The following STK3 variants were observed in gnomAD, a reference collection of about 807,000 sequenced individuals.
STK3 encodes serine/threonine kinase 3.
In STK3, 41 loss-of-function variants were observed where a neutral mutation model predicts 58.0. The observed-to-expected ratio is 0.71, with a 90% CI of 0.55 to 0.92. The LOEUF (loss-of-function observed/expected upper bound fraction) is 0.92, where lower values mean the gene tolerates loss of function less well. Ranked by LOEUF, STK3 falls within the 40% of genes least tolerant of loss-of-function variation. The probability of loss-of-function intolerance (pLI) is 0.00; values close to 1 mark genes in which losing one functional copy is unlikely to be tolerated. For synonymous variants in STK3, 170 were observed against 191.0 expected, an observed-to-expected ratio of 0.89 and a Z score of 0.91; for missense variants, 479 against 602.7, an observed-to-expected ratio of 0.79 and a Z score of 2.15.
At chr8:98,634,666 G>T (rs1283820518) in intron 6 of STK3, among the ~76,000 whole-genome samples, 1 of 152,116 alleles carries the variant, frequency 6.6e-6, no homozygotes, top group African/African-American at 2.4e-5. Flanking sequence ...TATTGGATTT[G>T]AATTATCTCA....
At chr8:98,673,753 T>C (rs944460876) in intron 6 of STK3, among the ~76,000 whole-genome samples, 5 of 152,116 alleles carry the variant, frequency 3.3e-5, no homozygotes, top group African/African-American at 1.2e-4. Context: ...ATATGTTATA[T>C]GAAATTCATC....
At chr8:98,633,238 C>T (rs1379910157) in intron 6 of STK3, among the ~76,000 whole-genome samples, 3 of 152,038 alleles carry the variant, frequency 2.0e-5, no homozygotes, top group African/African-American at 7.2e-5. Flanking sequence ...CCTAACACTA[C>T]CTACAAATGA....
At chr8:98,367,563 G>T (rs1185817663), downstream of STK3, among the ~76,000 whole-genome samples, 1 of 152,214 alleles carries the variant, frequency 6.6e-6, no homozygotes, top group Non-Finnish European at 1.5e-5. Context: ...CCTGTCTACT[G>T]AATGGCCATC....
intron 6 of STK3, among the ~76,000 whole-genome samples, chr8:98,694,064 T>C (rs1479564566): frequency 6.6e-6 from 1 of 152,228 alleles, no homozygotes; most frequent in Non-Finnish European, 1.5e-5. Flanking sequence ...CTTTTTGATA[T>C]GCACTATAAA....
rs1053524655 is a variant in STK3 at position 98,912,353 on chromosome 8, GGGTGA to G, written c.-78-28524_-78-28520del. Reference sequence around the variant, plus strand: ...AGATCGCGCCACTGCACTCCAGCCTGGGTGACAGAGTGAGACTGCATCTCAACAAC... The same window carrying G: ...AGATCGCGCCACTGCACTCCAGCCTGCAGAGTGAGACTGCATCTCAACAAC... On this transcript the variant is annotated intron_variant, in intron 1 of 1. Transcript: ENST00000519420. Among the ~76,000 whole-genome samples, 48 of 152,178 alleles carry G rather than the reference GGGTGA, an allele frequency of 3.2e-4. 1 individual carries two copies. Among genetic ancestry groups the G allele is most frequent in the Admixed American group, 2.7e-3 (41 of 15,290 alleles).
In STK3 at chr8:98,561,141, C is replaced by T. The variant is rs562429930; in HGVS notation, c.949-12980G>A. ...ACAGCACAGTACTGGCAAAAGAATACACACATATATCAATGATGTATCATT... is the reference window on the plus strand; with the variant it reads ...ACAGCACAGTACTGGCAAAAGAATATACACATATATCAATGATGTATCATT... On this transcript the variant is annotated intron_variant, in intron 8 of 10. Coordinates refer to ENST00000419617, the MANE Select transcript of STK3 (RefSeq NM_006281.4). Among the ~76,000 whole-genome samples, 4 of 152,174 alleles carry T rather than the reference C, an allele frequency of 2.6e-5. No individual in the cohort carries two copies. The East Asian group carries it at 7.7e-4, about 29-fold the overall frequency.
chr8:98,772,846 G>A (rs955321360), intron 2 of STK3, among the ~76,000 whole-genome samples: 5 of 152,114 alleles, frequency 3.3e-5, no homozygotes, highest in Admixed American at 6.5e-5. Context: ...AGCGGATGCC[G>A]GCACCGTGCT....
chr8:98,821,137 A>T (rs1834870143), intron 1 of STK3, among the ~76,000 whole-genome samples: 1 of 152,174 alleles, frequency 6.6e-6, no homozygotes, highest in Non-Finnish European at 1.5e-5. Context: ...ACACAGCAGG[A>T]GGTGAGCTAT....
At chr8:98,597,083 G>A (rs1162574076) in intron 6 of STK3, among the ~76,000 whole-genome samples, 1 of 151,986 alleles carries the variant, frequency 6.6e-6, no homozygotes, top group Non-Finnish European at 1.5e-5. Flanking sequence ...GTTTTGGAGA[G>A]GTGAAAAAAG....
intron 1 of STK3, among the ~76,000 whole-genome samples, chr8:98,885,147 C>A (rs1837936643): frequency 6.6e-6 from 1 of 152,216 alleles, no homozygotes; most frequent in African/African-American, 2.4e-5. Context: ...GAACAAACTT[C>A]TCATAACATA....
At chr8:98,623,599 C>T (rs1353313535) in intron 6 of STK3, among the ~76,000 whole-genome samples, 5 of 152,120 alleles carry the variant, frequency 3.3e-5, no homozygotes, top group Middle Eastern at 3.2e-3. Context: ...GCCTGGGCAA[C>T]GTAGCGACAG....
intron 10 of STK3, among the ~76,000 whole-genome samples, chr8:98,515,882 G>C (rs1363962290): frequency 6.6e-6 from 1 of 151,926 alleles, no homozygotes; most frequent in South Asian, 2.1e-4. Context: ...ATGTTTAAAG[G>C]ATAATAATAG....
chr8:98,673,763 C>T (rs183126210), intron 6 of STK3, among the ~76,000 whole-genome samples: 2 of 152,148 alleles, frequency 1.3e-5, no homozygotes, highest in Non-Finnish European at 2.9e-5. Context: ...TGAAATTCAT[C>T]TCAATAATTT....
intron 10 of STK3, among the ~76,000 whole-genome samples, chr8:98,471,691 C>T (rs1342316114): frequency 6.6e-6 from 1 of 152,070 alleles, no homozygotes; most frequent in Non-Finnish European, 1.5e-5. Flanking sequence ...TTAAGTGGAA[C>T]CATCATATAC....
chr8:98,560,421 A>G (rs1050515880), intron 8 of STK3, among the ~76,000 whole-genome samples: 3 of 152,106 alleles, frequency 2.0e-5, no homozygotes, highest in African/African-American at 7.2e-5. Flanking sequence ...CATACCAGCA[A>G]TAAATGACTG....
chr8:98,551,257 G>A (rs1282898841), intron 8 of STK3, among the ~76,000 whole-genome samples: 7 of 152,030 alleles, frequency 4.6e-5, no homozygotes, highest in Non-Finnish European at 7.4e-5. Flanking sequence ...ATTTACAACC[G>A]GCATTAGACA....
At chr8:98,755,313 G>A (rs1830222465) in intron 3 of STK3, among the ~76,000 whole-genome samples, 4 of 152,180 alleles carry the variant, frequency 2.6e-5, no homozygotes, top group African/African-American at 9.7e-5. Context: ...GAATACACTA[G>A]CATGAATATA....
At chr8:98,698,896 T>A (rs1020895343) in intron 6 of STK3, among the ~76,000 whole-genome samples, 1 of 152,068 alleles carries the variant, frequency 6.6e-6, no homozygotes, top group African/African-American at 2.4e-5. Flanking sequence ...ATTTCCTGAA[T>A]CTGAATGTTG....
chr8:98,681,445 AT>A (rs1309694475), intron 6 of STK3, among the ~76,000 whole-genome samples: 14 of 151,824 alleles, frequency 9.2e-5, no homozygotes, highest in Non-Finnish European at 2.9e-5. Context: ...GTAAAAAAAA[AT>A]AAAAATATAA....
Sources: gnomAD v4.1 joint callset for allele counts (sites outside exome capture counted in the v4.1 genomes callset) on GRCh38, gnomAD v4.1.1 for gene constraint, MANE v1.5 for transcripts, NCBI Gene and HGNC (gene_info 2026-07-23, HGNC 2026-07-21) for gene names.